PRSS12: variants seen among roughly 807,000 people sequenced by gnomAD.
PRSS12 encodes the protein serine protease 12.
A neutral mutation model predicts 104.4 loss-of-function variants in PRSS12; 85 were observed. The ratio of observed to expected loss-of-function variants is 0.81; its 90% CI spans 0.68 to 0.98. The LOEUF (loss-of-function observed/expected upper bound fraction) is 0.98, where lower values mean the gene tolerates loss of function less well. PRSS12 is among the 50% of genes least tolerant of loss of function. The pLI is 0.00. For synonymous variants in PRSS12, 454 were observed against 425.2 expected, an observed-to-expected ratio of 1.07 and a Z score of -0.83; for missense variants, 1,141 against 1,139.2, an observed-to-expected ratio of 1.00 and a Z score of -0.02.
chr4:118,291,841 A>G (rs960994951), intron 11 of PRSS12, among the ~76,000 whole-genome samples: 5 of 152,166 alleles, frequency 3.3e-5, no homozygotes, highest in Admixed American at 6.5e-5. Flanking sequence ...CGCTAAAACC[A>G]GTGAGTTTTT....
At chr4:118,352,135 T>C (rs1724520484) in intron 1 of PRSS12, 84 bp downstream of exon 1, 7 of 1,566,664 alleles carry the variant, frequency 4.5e-6, no homozygotes, top group Admixed American at 3.7e-5. Context: ...CCGTCACTTT[T>C]TCCAAGAGAC....
intron 11 of PRSS12, 21 bp downstream of exon 11, chr4:118,294,918 T>C: frequency 6.2e-7 from 1 of 1,613,670 alleles, no homozygotes; most frequent in Non-Finnish European, 8.5e-7. Flanking sequence ...CACTAGGTTG[T>C]TTGGGAAGGT....
chr4:118,313,186 G>T lies in PRSS12; in HGVS notation c.1489+15C>A, dbSNP rs985772833. The T allele has an allele frequency of 3.7e-6, 6 of 1,611,740 alleles. No individual in the cohort carries two copies. Among genetic ancestry groups the T allele is most frequent in the Non-Finnish European group, 5.1e-6 (6 of 1,179,606 alleles). ...ACTGAATGATGGAAACTTGAGAGCT[G>T]CAGCCAGTCCTCACCCAGAGAGAGC... On this transcript the variant is annotated intron_variant, in intron 7 of 12. Transcript: ENST00000296498.
chr4:118,312,910 C>T, intron 7 of PRSS12: 3 of 418,438 alleles, frequency 7.2e-6, no homozygotes, highest in Non-Finnish European at 1.3e-5. Context: ...GGAATAGATA[C>T]TGCAGCTTCT....
intron 4 of PRSS12, among the ~76,000 whole-genome samples, chr4:118,319,206 T>C (rs1380854792): frequency 6.6e-6 from 1 of 152,120 alleles, no homozygotes; most frequent in East Asian, 1.9e-4. Flanking sequence ...AATACAGGTA[T>C]ATGCCACCAC....
At chr4:118,283,159 A>G (rs1181031355) in intron 11 of PRSS12, 48 bp from the exon 12 acceptor site, 2 of 1,598,524 alleles carry the variant, frequency 1.3e-6, no homozygotes, top group Non-Finnish European at 1.7e-6. Context: ...GATACTGAAA[A>G]TTATTGTCAA....
rs1276534453 is a variant in PRSS12, at chr4:118,282,237, G to C, written c.2327C>G (p.Ala776Gly). 2 of 1,614,148 alleles carry C rather than the reference G, an allele frequency of 1.2e-6. No individual in the cohort carries two copies. Among genetic ancestry groups the C allele is most frequent in the African/African-American group, 2.7e-5 (2 of 75,030 alleles). Residue 776 changes from alanine (A) to glycine (G), a missense_variant, in exon 13 of 13, where the codon GCC (alanine) becomes GGC (glycine). Ala to Gly is a moderately conservative substitution (Grantham distance 60, BLOSUM62 0). Transcript: ENST00000296498. Reference sequence around the variant, plus strand: ...TGCTTGTTGTAGTGTTCTTGAATAGGCTCGTCCTACTCAGACCAAACATCT... The same window carrying C: ...TGCTTGTTGTAGTGTTCTTGAATAGCCTCGTCCTACTCAGACCAAACATCT... ...YITGWGDTGRAYSRTLQQAAI... is the reference protein window; with the variant it reads ...YITGWGDTGRGYSRTLQQAAI...
chr4:118,322,410 C>T (rs1349757658), intron 4 of PRSS12, among the ~76,000 whole-genome samples: 2 of 152,010 alleles, frequency 1.3e-5, no homozygotes, highest in South Asian at 2.1e-4. Context: ...ATTAGCTAGG[C>T]ATGGTGGTGT....
intron 3 of PRSS12, among the ~76,000 whole-genome samples, chr4:118,333,041 G>C (rs1041123853): frequency 5.3e-5 from 8 of 152,134 alleles, no homozygotes; most frequent in African/African-American, 9.7e-5. Flanking sequence ...GGGGTACTTA[G>C]GGAATCACTT....
intron 10 of PRSS12, 59 bp downstream of exon 10, chr4:118,295,719 C>T: frequency 6.8e-7 from 1 of 1,468,082 alleles, no homozygotes; most frequent in Non-Finnish European, 9.5e-7. Context: ...CAGTTTGTAA[C>T]ACTCTATGTA....
intron 7 of PRSS12, among the ~76,000 whole-genome samples, chr4:118,310,518 T>C (rs1288561831): frequency 7.2e-5 from 11 of 152,214 alleles, no homozygotes; most frequent in Non-Finnish European, 2.9e-5. Context: ...GTTGTCACTA[T>C]TAAGTTTGTG....
At chr4:118,305,383 T>C (rs1743521739) in intron 8 of PRSS12, among the ~76,000 whole-genome samples, 2 of 152,038 alleles carry the variant, frequency 1.3e-5, no homozygotes, top group South Asian at 4.1e-4. Flanking sequence ...TCTTGATTGA[T>C]AAGTATTACA....
At position 118,280,577 on chromosome 4, in the gene PRSS12, TAAAAC is replaced by T. The variant is rs1443808428; in HGVS notation, c.*1354_*1358del. On this transcript the variant is annotated 3_prime_UTR_variant, in exon 13 of 13. Transcript: ENST00000296498. ...ATGACTGGCATTCAAGAGGATTACT[TAAAAC>T]AATTTGTAAGTTCATGCTAACCTCT... is the stretch of plus-strand genomic sequence containing the variant. 1 of 152,254 alleles carries T rather than the reference TAAAAC, an allele frequency of 6.6e-6. No homozygotes were observed. Among genetic ancestry groups the T allele is most frequent in the Non-Finnish European group, 1.5e-5 (1 of 68,038 alleles). 9.4% of individuals were successfully genotyped at this position (152,254 alleles called of 1,614,324 possible).
chr4:118,338,109 A>T (rs1468122035), intron 2 of PRSS12, 67 bp downstream of exon 2: 1 of 1,592,280 alleles, frequency 6.3e-7, no homozygotes, highest in Admixed American at 1.7e-5. Context: ...TTACAAAGCA[A>T]TGACGGGCAC....
At chr4:118,338,115 G>A (rs779367354) in intron 2 of PRSS12, 61 bp downstream of exon 2, 130 of 1,598,320 alleles carry the variant, frequency 8.1e-5, no homozygotes, top group Admixed American at 1.3e-4. Context: ...AGCAATGACG[G>A]GCACCCAGCA....
Position 118,352,289 on chromosome 4 carries a change from C to A in PRSS12, c.432G>T (p.Ala144=), listed in dbSNP as rs759585289. ...RHNFCRSPDG[A]GRPWCFYGDA... ...CTCCGTAGAAACACCAGGGTCTGCC[C>A]GCGCCGTCGGGGCTCCGACAAAAGT... The change falls in exon 1 of 13, where the codon GCG becomes GCT. Residue 144 remains alanine, a synonymous_variant. Coordinates refer to ENST00000296498, the MANE Select transcript of PRSS12 (RefSeq NM_003619.4). The A allele has an allele frequency of 6.2e-7, 1 of 1,607,374 alleles. No individual in the cohort carries two copies.
At chr4:118,300,130 C>A (rs746810429) in intron 8 of PRSS12, among the ~76,000 whole-genome samples, 1 of 151,994 alleles carries the variant, frequency 6.6e-6, no homozygotes, top group Non-Finnish European at 1.5e-5. Flanking sequence ...CTCACCTCAT[C>A]CCCCCAAGTA....
In PRSS12 at chr4:118,352,768, T is replaced by C. The variant is rs562006066; in HGVS notation, c.-48A>G. The C allele has an allele frequency of 6.2e-7, 1 of 1,607,624 alleles. No homozygotes were observed. The highest frequency in any genetic ancestry group is 1.1e-5 in the South Asian group (1 of 90,064). Reference sequence around the variant, plus strand: ...GTCCATGCTCCCCAGCTTCTCGGGCTTGGAGCGGAGAAGAGGAGGGGGCGG... The same window carrying C: ...GTCCATGCTCCCCAGCTTCTCGGGCCTGGAGCGGAGAAGAGGAGGGGGCGG... On this transcript the variant is annotated 5_prime_UTR_variant, in exon 1 of 13. Coordinates refer to ENST00000296498, the MANE Select transcript of PRSS12 (RefSeq NM_003619.4).
intron 11 of PRSS12, 55 bp from the exon 12 acceptor site, chr4:118,283,166 T>G: frequency 6.3e-7 from 1 of 1,589,522 alleles, no homozygotes; most frequent in Non-Finnish European, 8.6e-7. Context: ...AAAATTATTG[T>G]CAAGAAGGAA....
Sources: gnomAD v4.1 joint callset for allele counts (sites outside exome capture counted in the v4.1 genomes callset) on GRCh38, gnomAD v4.1.1 for gene constraint, MANE v1.5 for transcripts, NCBI Gene and HGNC (gene_info 2026-07-23, HGNC 2026-07-21) for gene names.